The following RBPMS variants were observed in gnomAD, a reference collection of about 807,000 sequenced individuals.
RBPMS encodes RNA-binding protein with multiple splicing.
RBPMS carries 7 observed loss-of-function variants against 26.8 expected under a neutral mutation model. That is an observed-to-expected ratio of 0.26 (90% CI 0.15 to 0.49). RBPMS has a LOEUF of 0.49. Among genes scored for constraint, RBPMS ranks in the 20% least tolerant of loss-of-function variants. RBPMS has a pLI of 0.98. For synonymous variants in RBPMS, 96 were observed against 93.3 expected, an observed-to-expected ratio of 1.03 and a Z score of -0.17; for missense variants, 186 against 250.0, an observed-to-expected ratio of 0.74 and a Z score of 1.73.
At chr8:30,450,502 T>C (rs1814436877) in intron 1 of RBPMS, among the ~76,000 whole-genome samples, 1 of 151,924 alleles carries the variant, frequency 6.6e-6, no homozygotes, top group African/African-American at 2.4e-5. Context: ...TCAGGTAGAG[T>C]CAGTTCCTGT....
At chr8:30,389,490 C>A (rs754552278) in intron 1 of RBPMS, among the ~76,000 whole-genome samples, 1 of 152,112 alleles carries the variant, frequency 6.6e-6, no homozygotes, top group African/African-American at 2.4e-5. Context: ...AAAGTGGGTA[C>A]TTTTGTGCAG....
intron 1 of RBPMS, among the ~76,000 whole-genome samples, chr8:30,417,586 C>T (rs892581757): frequency 6.6e-6 from 1 of 152,148 alleles, no homozygotes; most frequent in Non-Finnish European, 1.5e-5. Context: ...GTACATTCCC[C>T]CTCAATTTCC....
intron 4 of RBPMS, among the ~76,000 whole-genome samples, chr8:30,487,652 AAG>A (rs1459487591): frequency 4.6e-5 from 7 of 152,146 alleles, no homozygotes; most frequent in Admixed American, 1.3e-4. Flanking sequence ...AGGGAGAAGA[AAG>A]AGTAAATGTT....
At chr8:30,465,966 T>C (rs561642855) in intron 1 of RBPMS, among the ~76,000 whole-genome samples, 1 of 152,306 alleles carries the variant, frequency 6.6e-6, no homozygotes, top group South Asian at 2.1e-4. Flanking sequence ...GGTCCTGCCT[T>C]ATGAATTATG....
chr8:30,537,171 T>C (rs758849510), intron 5 of RBPMS, among the ~76,000 whole-genome samples: 5 of 152,192 alleles, frequency 3.3e-5, no homozygotes, highest in African/African-American at 1.2e-4. Flanking sequence ...ATGCTCAGGG[T>C]TCCCTTCAAC....
chr8:30,479,377 T>C lies in RBPMS; in HGVS notation c.246T>C (p.Asn82=). ...SEAEAAKNAL[N]GIRFDPEIPQ... is the part of the protein sequence containing the mutation. ...CAGAGGCTGCAAAGAATGCTTTGAATGTAAGTACTAATGATGTAATTGTAG... is the reference window on the plus strand; with the variant it reads ...CAGAGGCTGCAAAGAATGCTTTGAACGTAAGTACTAATGATGTAATTGTAG... Residue 82 remains asparagine (N), a splice_region_variant and synonymous_variant, in exon 4 of 9, where the codon AAT becomes AAC. Transcript: ENST00000397323. 1.9e-6 allele frequency: 3 copies of C among 1,598,512 alleles called. No homozygotes were observed. Among genetic ancestry groups the C allele is most frequent in the Non-Finnish European group, 2.6e-6 (3 of 1,170,834 alleles).
intron 6 of RBPMS, among the ~76,000 whole-genome samples, chr8:30,546,287 G>A (rs1302686749): frequency 1.3e-5 from 2 of 152,202 alleles, no homozygotes; most frequent in Non-Finnish European, 2.9e-5. Context: ...AATAGCCATG[G>A]CTTTGGTTAG....
chr8:30,472,321 C>T (rs1363794548), intron 1 of RBPMS, among the ~76,000 whole-genome samples: 1 of 152,192 alleles, frequency 6.6e-6, no homozygotes, highest in East Asian at 1.9e-4. Context: ...GGTACATACT[C>T]TGTGGTTCCC....
chr8:30,390,326 G>C (rs1356270931), intron 1 of RBPMS, among the ~76,000 whole-genome samples: 2 of 152,156 alleles, frequency 1.3e-5, no homozygotes, highest in Non-Finnish European at 2.9e-5. Flanking sequence ...GTCTTTCTTA[G>C]TACTATTAGT....
At chr8:30,514,017 T>TGTA (rs1170350668) in intron 5 of RBPMS, among the ~76,000 whole-genome samples, 6 of 152,220 alleles carry the variant, frequency 3.9e-5, no homozygotes, top group Non-Finnish European at 8.8e-5. Context: ...TTTTCTCATG[T>TGTA]GTAGTAGTGG....
intron 4 of RBPMS, among the ~76,000 whole-genome samples, chr8:30,482,727 A>T (rs946893685): frequency 6.6e-6 from 1 of 152,174 alleles, no homozygotes; most frequent in Non-Finnish European, 1.5e-5. Flanking sequence ...TGGTCTCATT[A>T]ATCCACATCA....
chr8:30,442,759 C>T (rs9642759), intron 1 of RBPMS: 37,730 of 151,942 alleles, frequency 0.25, 5,066 homozygotes, highest in East Asian at 0.43. Context: ...GTCTCCTGGG[C>T]CCGAACCGGC....
intron 4 of RBPMS, among the ~76,000 whole-genome samples, chr8:30,496,656 CTG>C (rs1172622624): frequency 6.6e-6 from 1 of 152,180 alleles, no homozygotes; most frequent in Admixed American, 6.5e-5. Flanking sequence ...CTTCCCATTC[CTG>C]TGATCTTTAC....
intron 1 of RBPMS, among the ~76,000 whole-genome samples, chr8:30,385,608 T>A (rs1336905050): frequency 2.0e-5 from 3 of 152,026 alleles, no homozygotes; most frequent in Non-Finnish European, 4.4e-5. Flanking sequence ...CCCCTCCCTT[T>A]CCGTGTTAAA....
intron 4 of RBPMS, among the ~76,000 whole-genome samples, chr8:30,485,591 G>A (rs1012079911): frequency 1.3e-5 from 2 of 152,234 alleles, no homozygotes; most frequent in Non-Finnish European, 2.9e-5. Context: ...CGAGGCTTGT[G>A]CCAGTATAAA....
rs557031393 is a variant in RBPMS at position 30,536,627 on chromosome 8, T to A, written c.398-7867T>A. Among the ~76,000 whole-genome samples, 4 of 152,362 alleles carry A rather than the reference T, an allele frequency of 2.6e-5. No individual in the cohort carries two copies. The South Asian group carries it at 8.3e-4, about 32-fold the overall frequency. On this transcript the variant is annotated intron_variant, in intron 5 of 8. Coordinates refer to ENST00000397323, the MANE Select transcript of RBPMS (RefSeq NM_001008710.3). ...GTTATACTAAAACACTGTTTTTGTT[T>A]GTTTATAAATTTTTTATTTTTAAAA...
At position 30,508,504 on chromosome 8, in the gene RBPMS, T is replaced by C. The variant is rs549969188; in HGVS notation, c.397+4068T>C. ...CCACAGAGTCAGTACGCAGTGACTG[T>C]TAGTGTGCGTGTGTAAAAATGGGTA... On this transcript the variant is annotated intron_variant, in intron 5 of 8. Coordinates refer to ENST00000397323, the MANE Select transcript of RBPMS (RefSeq NM_001008710.3). Among the ~76,000 whole-genome samples the C allele has an allele frequency of 3.2e-4, 49 of 152,344 alleles. No individual in the cohort carries two copies. In the East Asian group the frequency reaches 5.6e-3, roughly 17 times the overall value.
At chr8:30,422,894 A>T (rs1428287842) in intron 1 of RBPMS, among the ~76,000 whole-genome samples, 1 of 152,238 alleles carries the variant, frequency 6.6e-6, no homozygotes, top group Non-Finnish European at 1.5e-5. Context: ...TTTTCAATAA[A>T]TATTTCTTTT....
intron 4 of RBPMS, among the ~76,000 whole-genome samples, chr8:30,491,231 A>G (rs1263970767): frequency 6.6e-6 from 1 of 152,242 alleles, no homozygotes; most frequent in Non-Finnish European, 1.5e-5. Context: ...AATAAAGGAT[A>G]TAAAACCATT....
Sources: allele counts gnomAD v4.1 joint callset (sites outside exome capture counted in the v4.1 genomes callset), GRCh38; gene constraint gnomAD v4.1.1; transcripts MANE v1.5; gene names NCBI Gene and HGNC (gene_info 2026-07-23, HGNC 2026-07-21).